The following EPB41L3 variants were observed in gnomAD, a reference collection of about 807,000 sequenced individuals.
EPB41L3 encodes band 4.1-like protein 3.
A neutral mutation model predicts 127.1 loss-of-function variants in EPB41L3; 57 were observed. That is an observed-to-expected ratio of 0.45 (90% CI 0.36 to 0.56). The LOEUF (loss-of-function observed/expected upper bound fraction) is 0.56, where lower values mean the gene tolerates loss of function less well. Ranked by LOEUF, EPB41L3 falls within the 20% of genes least tolerant of loss-of-function variation. EPB41L3 has a pLI of 0.00. For synonymous variants in EPB41L3, 572 were observed against 549.5 expected, an observed-to-expected ratio of 1.04 and a Z score of -0.57; for missense variants, 1,273 against 1,372.2, an observed-to-expected ratio of 0.93 and a Z score of 1.14.
At chr18:5,539,505 CT>C (rs1414002906) in intron 1 of EPB41L3, 1 of 152,192 alleles carries the variant, frequency 6.6e-6, no homozygotes. Context: ...TTCAACTTGT[CT>C]TCTTGTGCCA....
At position 5,395,622 on chromosome 18, in the gene EPB41L3, G is replaced by C. The variant is rs527461275; in HGVS notation, c.3059C>G (p.Thr1020Arg). Residue 1020 changes from threonine to arginine, a missense_variant, in exon 20 of 23, where the codon ACG becomes AGG. By Grantham distance (71) the Thr-to-Arg change is moderately conservative. Coordinates refer to ENST00000341928, the MANE Select transcript of EPB41L3 (RefSeq NM_012307.5). ...CACTCCACTTACTTTGGTGATGTGC[G>C]TAGTGGTGGTGGTACTGGTGGTTTC... ...TSETTSTTTT[T>R]HITKTVKGGI... 1 of 1,613,894 alleles carries C rather than the reference G, an allele frequency of 6.2e-7. No individual in the cohort carries two copies. The highest frequency in any genetic ancestry group is 8.5e-7 in the Non-Finnish European group (1 of 1,179,782).
chr18:5,626,585 T>C lies in EPB41L3; in HGVS notation c.-468+2337A>G, dbSNP rs113686270. On this transcript the variant is annotated intron_variant, in intron 1 of 21. Transcript: ENST00000545076. ...TGCACTGGAAAATTCTATGTTCCCATGTGCTAGGTCTCACACTTTGCTTCC... is the reference window on the plus strand; with the variant it reads ...TGCACTGGAAAATTCTATGTTCCCACGTGCTAGGTCTCACACTTTGCTTCC... 6.2e-3 allele frequency among the ~76,000 whole-genome samples: 952 copies of C among 152,344 alleles called. 9 individuals are homozygous for C. Among genetic ancestry groups the C allele is most frequent in the African/African-American group, 0.021 (889 of 41,572 alleles).
chr18:5,548,597 T>A (rs759498885), upstream of EPB41L3, among the ~76,000 whole-genome samples: 5 of 152,228 alleles, frequency 3.3e-5, no homozygotes, highest in Non-Finnish European at 7.3e-5. Context: ...TTTATTGTAT[T>A]AAAACATATC....
chr18:5,589,092 C>T (rs1568614065), intron 3 of EPB41L3, among the ~76,000 whole-genome samples: 1 of 152,102 alleles, frequency 6.6e-6, no homozygotes, highest in African/African-American at 2.4e-5. Flanking sequence ...GCACATGATA[C>T]TGGGGATTTA....
In EPB41L3 at chr18:5,488,984, T is replaced by G. The variant is rs781233814; in HGVS notation, c.183+17A>C. The G allele has an allele frequency of 6.4e-7, 1 of 1,567,536 alleles. No homozygotes were observed. Among genetic ancestry groups the G allele is most frequent in the South Asian group, 1.1e-5 (1 of 87,078 alleles). On this transcript the variant is annotated intron_variant, in intron 2 of 22. Transcript: ENST00000341928. ...CTCAGCAAACACTGCGTCATTAGTTTTCTGGCCTGGGCTCACCTCCCTCCG... is the reference window on the plus strand; with the variant it reads ...CTCAGCAAACACTGCGTCATTAGTTGTCTGGCCTGGGCTCACCTCCCTCCG...
intron 1 of EPB41L3, among the ~76,000 whole-genome samples, chr18:5,538,188 C>G (rs1481025275): frequency 6.6e-6 from 1 of 152,166 alleles, no homozygotes; most frequent in Non-Finnish European, 1.5e-5. Context: ...CCCAAAAATT[C>G]TTACATATTC....
intron 1 of EPB41L3, among the ~76,000 whole-genome samples, chr18:5,616,834 T>G (rs2094800722): frequency 6.6e-6 from 1 of 152,234 alleles, no homozygotes; most frequent in South Asian, 2.1e-4. Context: ...ATTTTTGTGG[T>G]TGTATGGTAT....
chr18:5,405,860 G>A (rs949912273), intron 16 of EPB41L3, among the ~76,000 whole-genome samples: 1 of 151,492 alleles, frequency 6.6e-6, no homozygotes, highest in Non-Finnish European at 1.5e-5. Flanking sequence ...CAGCCAAAGA[G>A]TGTGAAATAA....
Position 5,395,155 on chromosome 18 carries a change from A to G in EPB41L3, c.3073-8T>C, listed in dbSNP as rs777928624. On this transcript the variant is annotated splice_polypyrimidine_tract_variant and splice_region_variant and intron_variant, in intron 20 of 22. Transcript: ENST00000341928. ...AATGCCCCCTTTCACAGTCTGCAAG[A>G]CACGTAGAGAAGCTTTATGAATTTA... is the stretch of plus-strand genomic sequence containing the variant. The G allele has an allele frequency of 4.3e-6, 7 of 1,613,128 alleles. No homozygotes were observed. In the Admixed American group the frequency reaches 1.2e-4, roughly 27 times the overall value.
chr18:5,600,631 AC>A (rs35976109), intron 3 of EPB41L3, among the ~76,000 whole-genome samples: 8,858 of 152,260 alleles, frequency 0.058, 355 homozygotes, highest in Non-Finnish European at 0.088. Flanking sequence ...GAAGAAAAAA[AC>A]ATTACAATTA....
intron 3 of EPB41L3, among the ~76,000 whole-genome samples, chr18:5,465,293 A>C (rs2084756980): frequency 6.6e-6 from 1 of 152,260 alleles, no homozygotes; most frequent in South Asian, 2.1e-4. Flanking sequence ...CTGCCAAATT[A>C]ATGAGTAGCT....
At chr18:5,534,111 C>T (rs571589906) in intron 1 of EPB41L3, among the ~76,000 whole-genome samples, 28 of 152,122 alleles carry the variant, frequency 1.8e-4, no homozygotes, top group African/African-American at 6.0e-4. Context: ...GGCAGTGAGC[C>T]GAGATCTCGC....
chr18:5,396,325 G>T lies in EPB41L3; in HGVS notation c.2849C>A (p.Thr950Lys), dbSNP rs61735459. 0.018 allele frequency: 28,986 copies of T among 1,614,092 alleles called. 323 individuals carry two copies. Among genetic ancestry groups the T allele is most frequent in the Non-Finnish European group, 0.021 (25,301 of 1,180,000 alleles). ...LEQKPHFESS[T>K]VKTETISFGS... is the part of the protein sequence containing the mutation. Reference sequence around the variant, plus strand: ...AAAACTGATGGTTTCCGTCTTCACCGTTGAGGACTGTGCCAAAGGGGAGTA... The same window carrying T: ...AAAACTGATGGTTTCCGTCTTCACCTTTGAGGACTGTGCCAAAGGGGAGTA... The change falls in exon 19 of 23, where the codon ACG (threonine) becomes AAG (lysine). Residue 950 changes from threonine to lysine, a missense_variant. This residue lies in a region of EPB41L3 where 765 missense variants were observed against 782.9 expected (regional missense o/e 0.98). Transcript: ENST00000341928.
At chr18:5,481,132 C>T (rs2148004056) in intron 2 of EPB41L3, among the ~76,000 whole-genome samples, 1 of 152,272 alleles carries the variant, frequency 6.6e-6, no homozygotes, top group East Asian at 1.9e-4. Flanking sequence ...TGAGACAGAG[C>T]AGCTATTTAT....
At chr18:5,607,751 A>G (rs2094677204) in intron 3 of EPB41L3, among the ~76,000 whole-genome samples, 1 of 152,146 alleles carries the variant, frequency 6.6e-6, no homozygotes, top group Non-Finnish European at 1.5e-5. Context: ...TATTTCTTTA[A>G]TATAATCCCC....
intron 1 of EPB41L3, among the ~76,000 whole-genome samples, chr18:5,522,182 C>T (rs979632456): frequency 2.6e-5 from 4 of 152,178 alleles, no homozygotes; most frequent in African/African-American, 7.2e-5. Flanking sequence ...CGGTTCACTG[C>T]AACCTCCGCC....
chr18:5,489,293 C>A lies in EPB41L3; in HGVS notation c.-11-99G>T, dbSNP rs368514555. The stretch of plus-strand genomic sequence containing the variant: ...CACCGTGAAAGGCTCAAGAGAACCA[C>A]AGAGAGGGAGATGCTACCAAACCCC... On this transcript the variant is annotated intron_variant, in intron 1 of 22. Transcript: ENST00000341928. 2.2e-6 allele frequency: 3 copies of A among 1,387,786 alleles called. No homozygotes were observed. The African/African-American group carries it at 4.6e-5, about 21-fold the overall frequency. The allele number at this position is 1,387,786 out of a possible 1,614,324, so 86.0% of individuals were successfully genotyped here. A position where few individuals can be genotyped will look rare whatever the true frequency, so the allele number is the denominator to read the frequency against.
intron 2 of EPB41L3, chr18:5,488,782 T>C: frequency 2.0e-6 from 1 of 487,884 alleles, no homozygotes; most frequent in Middle Eastern, 5.4e-4. Context: ...CTTCAGTGAG[T>C]TTCAGTGTTT....
At chr18:5,586,418 GA>G (rs2094442619) in intron 3 of EPB41L3, among the ~76,000 whole-genome samples, 19 of 118,670 alleles carry the variant, frequency 1.6e-4, no homozygotes, top group Admixed American at 7.9e-4. Context: ...TTTTTTTTTT[GA>G]AATAGGGTCT....
Sources: allele counts gnomAD v4.1 joint callset (sites outside exome capture counted in the v4.1 genomes callset), GRCh38; gene constraint gnomAD v4.1.1; regional missense constraint gnomAD v4.1.1; transcripts MANE v1.5; gene names NCBI Gene and HGNC (gene_info 2026-07-23, HGNC 2026-07-21).